Variants in AKAP13 observed in about 807,000 individuals in gnomAD.
AKAP13 encodes A-kinase anchoring protein 13.
AKAP13 carries 80 observed loss-of-function variants against 264.5 expected under a neutral mutation model. The ratio of observed to expected loss-of-function variants is 0.30; its 90% CI spans 0.25 to 0.36. AKAP13 has a LOEUF of 0.36. Ranked by LOEUF, AKAP13 falls within the 10% of genes least tolerant of loss-of-function variation. The probability of loss-of-function intolerance (pLI) is 1.00; values close to 1 mark genes in which losing one functional copy is unlikely to be tolerated. For missense variants in AKAP13, 3,712 were observed against 3,435.2 expected (o/e 1.08, Z -2.01); for synonymous variants, 1,380 against 1,250.2 (o/e 1.10, Z -2.19).
At chr15:85,682,396 A>C (rs1597041195) in intron 15 of AKAP13, among the ~76,000 whole-genome samples, 184 bp downstream of exon 15, 1 of 152,248 alleles carries the variant, frequency 6.6e-6, no homozygotes, top group Admixed American at 6.5e-5. Flanking sequence ...TAATGTCTTC[A>C]GTAGTTTTAT....
At chr15:85,382,567 C>A (rs1241004732) in intron 1 of AKAP13, among the ~76,000 whole-genome samples, 3 of 152,222 alleles carry the variant, frequency 2.0e-5, no homozygotes, top group South Asian at 4.1e-4. Flanking sequence ...GTACTACTTA[C>A]AACATGACGT....
At chr15:85,507,095 G>T (rs1344575961) in intron 2 of AKAP13, among the ~76,000 whole-genome samples, 1 of 152,072 alleles carries the variant, frequency 6.6e-6, no homozygotes, top group Non-Finnish European at 1.5e-5. Context: ...TTAGGCCATA[G>T]CACTTTTGAA....
chr15:85,741,013 G>A lies in AKAP13; in HGVS notation c.7609-33G>A, dbSNP rs1216585716. On this transcript the variant is annotated intron_variant, in intron 34 of 36. Transcript: ENST00000394518. ...CAGAAGCTCGCTGTCGTCCTGGCCA[G>A]AGTTGCAGGGCTCCCCTCTGTGTGC... 4 of 1,575,102 alleles carry A rather than the reference G, an allele frequency of 2.5e-6. No individual in the cohort carries two copies. In the South Asian group the frequency reaches 4.7e-5, roughly 19 times the overall value.
chr15:85,649,968 C>G (rs1424651890), intron 10 of AKAP13, among the ~76,000 whole-genome samples: 1 of 151,872 alleles, frequency 6.6e-6, no homozygotes, highest in Non-Finnish European at 1.5e-5. Context: ...TTTTTCTTCC[C>G]CAGGTTAGCA....
At chr15:85,642,777 A>T (rs561208010) in intron 9 of AKAP13, among the ~76,000 whole-genome samples, 2 of 152,264 alleles carry the variant, frequency 1.3e-5, no homozygotes, top group East Asian at 3.9e-4. Context: ...TGAATTTTCC[A>T]TTCGAATATC....
Position 85,579,495 on chromosome 15 carries a change from C to A in AKAP13, c.1427C>A (p.Pro476Gln), listed in dbSNP as rs1567136180. 3 of 1,614,166 alleles carry A rather than the reference C, an allele frequency of 1.9e-6. No homozygotes were observed. The highest frequency in any genetic ancestry group is 1.7e-5 in the Admixed American group (1 of 60,022). The change falls in exon 7 of 37, where the codon CCA (proline) becomes CAA (glutamine). Residue 476 changes from proline (P) to glutamine (Q), a missense_variant. By Grantham distance (76) the Pro-to-Gln change is moderately conservative. This residue lies in a region of AKAP13 where 2,759 missense variants were observed against 2,411.7 expected (regional missense o/e 1.14). Coordinates refer to ENST00000394518, the MANE Select transcript of AKAP13 (RefSeq NM_007200.5). ...GGISTTNVST[P>Q]DTAGEMEHGL... is the part of the protein sequence containing the mutation. The stretch of plus-strand genomic sequence containing the variant: ...ATTTCAACAACAAATGTCAGTACCC[C>A]AGACACTGCAGGGGAAATGGAACAT...
chr15:85,626,087 A>C (rs930998487), intron 8 of AKAP13, among the ~76,000 whole-genome samples: 1 of 152,234 alleles, frequency 6.6e-6, no homozygotes, highest in Non-Finnish European at 1.5e-5. Context: ...TTCCACACAC[A>C]GTACATATGG....
At chr15:85,710,223 G>A (rs1029103350) in intron 18 of AKAP13, among the ~76,000 whole-genome samples, 1 of 152,112 alleles carries the variant, frequency 6.6e-6, no homozygotes, top group African/African-American at 2.4e-5. Flanking sequence ...TGGGGAAGAC[G>A]GACAGTTACT....
At chr15:85,699,843 A>G (rs2085807390) in intron 17 of AKAP13, among the ~76,000 whole-genome samples, 1 of 152,228 alleles carries the variant, frequency 6.6e-6, no homozygotes, top group Admixed American at 6.5e-5. Flanking sequence ...TAGTTGATCT[A>G]CCAACTCTCA....
chr15:85,741,325 C>CA lies in AKAP13; in HGVS notation c.7889dup (p.Gln2631AlafsTer20). 1 of 1,613,150 alleles carries CA rather than the reference C, an allele frequency of 6.2e-7. No individual in the cohort carries two copies. The highest frequency in any genetic ancestry group is 8.5e-7 in the Non-Finnish European group (1 of 1,179,662). On this transcript the variant is annotated frameshift_variant, in exon 35 of 37. Coordinates refer to ENST00000394518, the MANE Select transcript of AKAP13 (RefSeq NM_007200.5). LOFTEE classifies it high-confidence loss of function. ...GCGCGAGGAGGAGGTGCAGCAGGGG[C>CA]AGCAGGACCTGGAAAAGGAGCGGGA...
At chr15:85,619,839 C>T in intron 8 of AKAP13, 1 of 1,338,768 alleles carries the variant, frequency 7.5e-7, no homozygotes, top group African/African-American at 1.5e-5. Context: ...ATTATGAGTT[C>T]TACATTCATC....
intron 8 of AKAP13, among the ~76,000 whole-genome samples, chr15:85,612,841 AAAG>A (rs1354303818): frequency 1.5e-4 from 22 of 151,706 alleles, no homozygotes; most frequent in Middle Eastern, 3.4e-3. Flanking sequence ...AAAAAGAAAA[AAAG>A]AAAGAAAAAG....
chr15:85,575,691 C>CAA (rs77263680), intron 6 of AKAP13, among the ~76,000 whole-genome samples: 1 of 134,734 alleles, frequency 7.4e-6, no homozygotes, highest in Non-Finnish European at 1.6e-5. Context: ...GACTCCGTCT[C>CAA]AAAAAAAAAA....
chr15:85,487,836 A>G (rs2075606756), intron 2 of AKAP13, among the ~76,000 whole-genome samples: 1 of 150,420 alleles, frequency 6.6e-6, no homozygotes, highest in Non-Finnish European at 1.5e-5. Context: ...GGATCAAGGG[A>G]TCATCCCACC....
chr15:85,644,443 T>C (rs1213528836), intron 9 of AKAP13, among the ~76,000 whole-genome samples: 1 of 151,430 alleles, frequency 6.6e-6, no homozygotes, highest in African/African-American at 2.4e-5. Context: ...GGTTTCACCA[T>C]GTTGACCAGG....
chr15:85,634,464 T>C (rs1418105840), intron 8 of AKAP13, among the ~76,000 whole-genome samples: 1 of 152,224 alleles, frequency 6.6e-6, no homozygotes, highest in Non-Finnish European at 1.5e-5. Context: ...TCTAAGTATG[T>C]CAGTTTTAAT....
At chr15:85,743,895 TG>T in intron 36 of AKAP13, 70 bp downstream of exon 36, 1 of 1,511,764 alleles carries the variant, frequency 6.6e-7, no homozygotes, top group Admixed American at 2.2e-5. Context: ...TAGATTTTAG[TG>T]GCATGGGGCG....
chr15:85,481,398 A>G (rs1238695840), intron 1 of AKAP13, among the ~76,000 whole-genome samples: 1 of 152,144 alleles, frequency 6.6e-6, no homozygotes, highest in African/African-American at 2.4e-5. Context: ...AATCAACAAC[A>G]CCAGAAGAGA....
chr15:85,573,386 A>G (rs1209380098), intron 5 of AKAP13, among the ~76,000 whole-genome samples: 1 of 152,078 alleles, frequency 6.6e-6, no homozygotes, highest in Non-Finnish European at 1.5e-5. Context: ...TCTACTAAAA[A>G]TACAAAAAAA....
Sources: gnomAD v4.1 joint callset for allele counts (sites outside exome capture counted in the v4.1 genomes callset) on GRCh38, gnomAD v4.1.1 for gene constraint, gnomAD v4.1.1 regional missense constraint, MANE v1.5 for transcripts, NCBI Gene and HGNC (gene_info 2026-07-23, HGNC 2026-07-21) for gene names.